Variants in ERBB4 observed in about 807,000 individuals in gnomAD.
ERBB4 encodes receptor tyrosine-protein kinase erbB-4.
A neutral mutation model predicts 158.0 loss-of-function variants in ERBB4; 42 were observed. The ratio of observed to expected loss-of-function variants is 0.27; its 90% CI spans 0.21 to 0.34. The LOEUF is 0.34. Among genes scored for constraint, ERBB4 ranks in the 10% least tolerant of loss-of-function variants. The pLI, the probability that ERBB4 is intolerant of heterozygous loss-of-function variation, is 1.00. For missense variants in ERBB4, 1,333 were observed against 1,624.1 expected, an observed-to-expected ratio of 0.82 and a Z score of 3.08; for synonymous variants, 583 against 558.7, an observed-to-expected ratio of 1.04 and a Z score of -0.61.
At chr2:211,887,637 C>A (rs554293267) in intron 3 of ERBB4, among the ~76,000 whole-genome samples, 2 of 152,272 alleles carry the variant, frequency 1.3e-5, no homozygotes, top group South Asian at 2.1e-4. Flanking sequence ...ATGCTTTTCT[C>A]CCCAGGTTGT....
At chr2:212,413,772 A>C (rs937263138) in intron 1 of ERBB4, among the ~76,000 whole-genome samples, 2 of 152,158 alleles carry the variant, frequency 1.3e-5, no homozygotes, top group Non-Finnish European at 2.9e-5. Flanking sequence ...TTTTTATATG[A>C]CATGTACACA....
At chr2:211,414,235 A>G (rs895066665) in intron 25 of ERBB4, among the ~76,000 whole-genome samples, 1 of 152,156 alleles carries the variant, frequency 6.6e-6, no homozygotes, top group East Asian at 1.9e-4. Flanking sequence ...GTGGTGGCTC[A>G]CGCCTATATC....
chr2:212,333,378 A>AAT (rs57424089), intron 1 of ERBB4, among the ~76,000 whole-genome samples: 95,901 of 150,282 alleles, frequency 0.64, 31,303 homozygotes, highest in East Asian at 0.78. Flanking sequence ...GGTAGCTTTA[A>AAT]ATATATATAT....
rs997317493 is a variant in ERBB4 at position 212,105,595 on chromosome 2, T to C, written c.234+19157A>G. 2.0e-5 allele frequency among the ~76,000 whole-genome samples: 3 copies of C among 152,322 alleles called. No individual in the cohort carries two copies. In the East Asian group the frequency reaches 5.8e-4, roughly 29 times the overall value. On this transcript the variant is annotated intron_variant, in intron 2 of 27. Transcript: ENST00000342788. ...TAATATTGAATTCAATTAAAATGCATTTGTGTCGAAAAATGTTTCAATAAA... is the reference window on the plus strand; with the variant it reads ...TAATATTGAATTCAATTAAAATGCACTTGTGTCGAAAAATGTTTCAATAAA...
In ERBB4 at chr2:212,299,576, G is replaced by A. The variant is rs573758673; in HGVS notation, c.83-174673C>T. On this transcript the variant is annotated intron_variant, in intron 1 of 27. Transcript: ENST00000342788. ...ACCTTCCCCTGAGATTTTCCTTTGAGTCTCATTACTGAATATCTATATATA... is the reference window on the plus strand; with the variant it reads ...ACCTTCCCCTGAGATTTTCCTTTGAATCTCATTACTGAATATCTATATATA... Among the ~76,000 whole-genome samples the A allele has an allele frequency of 2.6e-5, 4 of 151,664 alleles. No homozygotes were observed. In the East Asian group the frequency reaches 7.8e-4, roughly 30 times the overall value.
intron 1 of ERBB4, among the ~76,000 whole-genome samples, chr2:212,155,428 C>G (rs1323052725): frequency 6.6e-6 from 1 of 151,962 alleles, no homozygotes. Flanking sequence ...AAAGATGATT[C>G]TAGAACAAGA....
Position 211,756,509 on chromosome 2 carries a change from C to G in ERBB4, c.557-5805G>C, listed in dbSNP as rs574831302. Among the ~76,000 whole-genome samples the G allele has an allele frequency of 1.8e-4, 28 of 152,204 alleles. No individual in the cohort carries two copies. In the East Asian group the frequency reaches 2.9e-3, roughly 16 times the overall value. Reference sequence around the variant, plus strand: ...CCTTCTAAACAGTTTGGAGTTTACTCTGTGTGTGTATTATGGAGTTTAATG... The same window carrying G: ...CCTTCTAAACAGTTTGGAGTTTACTGTGTGTGTGTATTATGGAGTTTAATG... On this transcript the variant is annotated intron_variant, in intron 4 of 27. Coordinates refer to ENST00000342788, the MANE Select transcript of ERBB4 (RefSeq NM_005235.3).
intron 3 of ERBB4, among the ~76,000 whole-genome samples, chr2:211,828,452 G>A (rs1361840638): frequency 1.3e-5 from 2 of 152,026 alleles, no homozygotes; most frequent in Non-Finnish European, 2.9e-5. Flanking sequence ...ATCTGTGTCT[G>A]GGCCCTAGAA....
rs535296122 is a variant in ERBB4 at position 211,666,898 on chromosome 2, C to T, written c.1717-1421G>A. 2.6e-5 allele frequency among the ~76,000 whole-genome samples: 4 copies of T among 152,104 alleles called. No homozygotes were observed. In the South Asian group the frequency reaches 8.3e-4, roughly 32 times the overall value. Reference sequence around the variant, plus strand: ...ATTCTATCACATTTGTAGTTATAAACAATGAGAATTTGGCAGTCAGGAGTT... The same window carrying T: ...ATTCTATCACATTTGTAGTTATAAATAATGAGAATTTGGCAGTCAGGAGTT... On this transcript the variant is annotated intron_variant, in intron 14 of 27. Coordinates refer to ENST00000342788, the MANE Select transcript of ERBB4 (RefSeq NM_005235.3).
intron 1 of ERBB4, among the ~76,000 whole-genome samples, chr2:212,477,245 T>G (rs1028021570): frequency 6.6e-6 from 1 of 151,980 alleles, no homozygotes; most frequent in African/African-American, 2.4e-5. Context: ...GATTAAAGAG[T>G]GTCTGTGTCT....
At chr2:212,162,344 A>G (rs772251151) in intron 1 of ERBB4, among the ~76,000 whole-genome samples, 3 of 151,972 alleles carry the variant, frequency 2.0e-5, no homozygotes, top group Admixed American at 6.6e-5. Flanking sequence ...ATTTGAATTC[A>G]AATAAAATTC....
At chr2:211,979,942 A>C (rs1044116844) in intron 2 of ERBB4, among the ~76,000 whole-genome samples, 3 of 152,150 alleles carry the variant, frequency 2.0e-5, no homozygotes, top group Non-Finnish European at 4.4e-5. Flanking sequence ...ACAGACATCA[A>C]ATCAATTCTG....
At chr2:212,446,905 A>T (rs2092367504) in intron 1 of ERBB4, among the ~76,000 whole-genome samples, 1 of 151,066 alleles carries the variant, frequency 6.6e-6, no homozygotes, top group South Asian at 2.1e-4. Flanking sequence ...GTGTCATTGG[A>T]AGTTAATAGG....
Position 211,944,058 on chromosome 2 carries a change from A to T in ERBB4, c.421+3372T>A, listed in dbSNP as rs529826582. Among the ~76,000 whole-genome samples, 127 of 130,752 alleles carry T rather than the reference A, an allele frequency of 9.7e-4. 2 individuals carry two copies. In the South Asian group the frequency reaches 0.026, roughly 27 times the overall value. 85.8% of individuals were successfully genotyped at this position (130,752 alleles called of 152,430 possible). A position where few individuals can be genotyped will look rare whatever the true frequency, so the allele number is the denominator to read the frequency against. On this transcript the variant is annotated intron_variant, in intron 3 of 27. Transcript: ENST00000342788. ...ATTTAAGTAGAAACGCAAACCATAT[A>T]TATATATATACACATGGTTACACTA... is the stretch of plus-strand genomic sequence containing the variant.
At chr2:211,395,914 A>G (rs1281124330) in intron 25 of ERBB4, among the ~76,000 whole-genome samples, 2 of 152,000 alleles carry the variant, frequency 1.3e-5, no homozygotes, top group African/African-American at 2.4e-5. Context: ...TTACCTTCAC[A>G]GCATTTATCT....
chr2:211,818,007 T>C (rs1445366858), intron 3 of ERBB4, among the ~76,000 whole-genome samples: 5 of 152,178 alleles, frequency 3.3e-5, no homozygotes, highest in African/African-American at 1.2e-4. Flanking sequence ...AAGTAGTTCA[T>C]TGTTCATTGA....
Position 212,028,590 on chromosome 2 carries a change from G to T in ERBB4, c.235-80974C>A, listed in dbSNP as rs547331058. On this transcript the variant is annotated intron_variant, in intron 2 of 27. Coordinates refer to ENST00000342788, the MANE Select transcript of ERBB4 (RefSeq NM_005235.3). ...GGCAGGGAACACAGCAGGTTTTAATGGTCAGCTACCACTAAAAAGCTAACA... is the reference window on the plus strand; with the variant it reads ...GGCAGGGAACACAGCAGGTTTTAATTGTCAGCTACCACTAAAAAGCTAACA... Among the ~76,000 whole-genome samples the T allele has an allele frequency of 7.9e-5, 12 of 152,136 alleles. No individual in the cohort carries two copies. The South Asian group carries it at 2.5e-3, about 32-fold the overall frequency.
chr2:211,513,357 C>CAAAAAAAAAAAAAAAAAAAAAAAAAAA (rs61042785), intron 20 of ERBB4, among the ~76,000 whole-genome samples: 1 of 39,198 alleles, frequency 2.6e-5, no homozygotes, highest in African/African-American at 6.6e-5. Flanking sequence ...GACTCCGTCT[C>CAAAAAAAAAAAAAAAAAAAAAAAAAAA]AAAAAAAAAA....
intron 2 of ERBB4, among the ~76,000 whole-genome samples, chr2:212,101,625 C>T (rs2079086125): frequency 6.6e-6 from 1 of 151,860 alleles, no homozygotes; most frequent in Non-Finnish European, 1.5e-5. Flanking sequence ...ACGCTCTTAT[C>T]ACCCTGAACT....
Sources: allele counts gnomAD v4.1 joint callset (sites outside exome capture counted in the v4.1 genomes callset), GRCh38; gene constraint gnomAD v4.1.1; transcripts MANE v1.5; gene names NCBI Gene and HGNC (gene_info 2026-07-23, HGNC 2026-07-21).